Variants in CDH4 observed in about 807,000 individuals in gnomAD.
CDH4 encodes the protein cadherin-4.
Under a neutral mutation model 86.0 loss-of-function variants are expected in CDH4, and 33 were observed. The ratio of observed to expected loss-of-function variants is 0.38; its 90% CI spans 0.29 to 0.51. The LOEUF (loss-of-function observed/expected upper bound fraction) is 0.51, where lower values mean the gene tolerates loss of function less well. Among genes scored for constraint, CDH4 ranks in the 20% least tolerant of loss-of-function variants. The pLI, the probability that CDH4 is intolerant of heterozygous loss-of-function variation, is 0.86. For missense variants in CDH4, 1,114 were observed against 1,307.4 expected, an observed-to-expected ratio of 0.85 and a Z score of 2.28; for synonymous variants, 555 against 549.4, an observed-to-expected ratio of 1.01 and a Z score of -0.14.
chr20:61,254,698 G>T, intron 1 of CDH4, 128 bp from the exon 2 acceptor site: 1 of 700,354 alleles, frequency 1.4e-6, no homozygotes, highest in South Asian at 1.7e-5. Flanking sequence ...GCGTCTGGGT[G>T]GAGACGGTGG....
intron 2 of CDH4, among the ~76,000 whole-genome samples, chr20:61,712,291 C>T (rs2087902336): frequency 1.3e-5 from 2 of 152,160 alleles, no homozygotes; most frequent in African/African-American, 4.8e-5. Context: ...GCCATGAGCC[C>T]TGGAGGCAGT....
chr20:61,678,020 A>G (rs2087464817), intron 2 of CDH4, among the ~76,000 whole-genome samples: 1 of 152,152 alleles, frequency 6.6e-6, no homozygotes, highest in African/African-American at 2.4e-5. Flanking sequence ...TAGATAATAG[A>G]TGGATAAATA....
At chr20:61,306,306 AC>A (rs1289294891) in intron 2 of CDH4, among the ~76,000 whole-genome samples, 1 of 151,674 alleles carries the variant, frequency 6.6e-6, no homozygotes, top group Non-Finnish European at 1.5e-5. Flanking sequence ...CTGATTTGCT[AC>A]TGAGTGATGC....
At chr20:61,846,794 G>C (rs532925298) in intron 5 of CDH4, among the ~76,000 whole-genome samples, 1 of 152,148 alleles carries the variant, frequency 6.6e-6, no homozygotes, top group Non-Finnish European at 1.5e-5. Context: ...TTGGAGCGGG[G>C]TCAGCCCACT....
chr20:61,603,703 C>T (rs1403012517), intron 2 of CDH4, among the ~76,000 whole-genome samples: 1 of 152,170 alleles, frequency 6.6e-6, no homozygotes, highest in African/African-American at 2.4e-5. Flanking sequence ...CAGCAAAGTG[C>T]CTGGGGTGCC....
intron 2 of CDH4, among the ~76,000 whole-genome samples, chr20:61,722,133 G>A (rs1204624780): frequency 6.6e-6 from 1 of 152,174 alleles, no homozygotes; most frequent in East Asian, 1.9e-4. Flanking sequence ...AAGAAGAAAT[G>A]GCAGATTATT....
intron 2 of CDH4, among the ~76,000 whole-genome samples, chr20:61,686,581 A>C (rs2087579312): frequency 2.7e-5 from 4 of 147,256 alleles, no homozygotes; most frequent in South Asian, 2.2e-4. Flanking sequence ...GCGTGTGTGC[A>C]TTCATGTGTG....
intron 2 of CDH4, among the ~76,000 whole-genome samples, chr20:61,594,802 G>C (rs893805119): frequency 6.6e-6 from 1 of 152,184 alleles, no homozygotes; most frequent in African/African-American, 2.4e-5. Context: ...AGACATCTTC[G>C]CTGACCCACA....
chr20:61,546,268 CATGT>C (rs1362421228), intron 2 of CDH4, among the ~76,000 whole-genome samples: 1 of 150,832 alleles, frequency 6.6e-6, no homozygotes, highest in Non-Finnish European at 1.5e-5. Context: ...TATGTGTTCA[CATGT>C]GTGTGGTGTG....
intron 2 of CDH4, among the ~76,000 whole-genome samples, chr20:61,587,369 C>T (rs185759543): frequency 5.3e-4 from 81 of 152,242 alleles, no homozygotes; most frequent in African/African-American, 1.9e-3. Flanking sequence ...GCCCCTGGGA[C>T]GCCTGCCCAC....
At chr20:61,453,395 G>A (rs991021888) in intron 2 of CDH4, among the ~76,000 whole-genome samples, 1 of 152,142 alleles carries the variant, frequency 6.6e-6, no homozygotes, top group Non-Finnish European at 1.5e-5. Context: ...TCGCATGTGT[G>A]GAATCCCAGC....
At chr20:61,805,766 A>G (rs1439922508) in intron 4 of CDH4, among the ~76,000 whole-genome samples, 2 of 152,252 alleles carry the variant, frequency 1.3e-5, no homozygotes, top group African/African-American at 4.8e-5. Flanking sequence ...GGGCCCTCTC[A>G]CACCGGCCAT....
intron 2 of CDH4, among the ~76,000 whole-genome samples, chr20:61,415,289 CA>C (rs1441671258): frequency 6.6e-6 from 1 of 151,860 alleles, no homozygotes; most frequent in East Asian, 1.9e-4. Flanking sequence ...ATGGTAGAGC[CA>C]TGGAGGGATT....
rs1330143693 is a variant in CDH4 at position 61,283,280 on chromosome 20, C to T, written c.169+28343C>T. Among the ~76,000 whole-genome samples, 2 of 8,226 alleles carry T rather than the reference C, an allele frequency of 2.4e-4. 1 individual carries two copies. The highest frequency in any genetic ancestry group is 4.7e-4 in the Non-Finnish European group (2 of 4,254). 5.4% of individuals were successfully genotyped at this position (8,226 alleles called of 152,430 possible). A position where few individuals can be genotyped will look rare whatever the true frequency, so the allele number is the denominator to read the frequency against. On this transcript the variant is annotated intron_variant, in intron 2 of 15. Coordinates refer to ENST00000614565, the MANE Select transcript of CDH4 (RefSeq NM_001794.5). ...CGTGTGTGATGTACGTGCGTTTGCA[C>T]GCGCGTGCTGTGGCGTGTGTGATGT...
chr20:61,897,358 AG>A (rs1418764583), intron 8 of CDH4, among the ~76,000 whole-genome samples: 1 of 152,088 alleles, frequency 6.6e-6, no homozygotes, highest in Non-Finnish European at 1.5e-5. Flanking sequence ...TGGGAGGCCA[AG>A]GCAGAGGCCC....
At chr20:61,912,369 C>T (rs1383279361) in intron 9 of CDH4, among the ~76,000 whole-genome samples, 1 of 152,118 alleles carries the variant, frequency 6.6e-6, no homozygotes, top group Non-Finnish European at 1.5e-5. Flanking sequence ...TTCTCAACAC[C>T]CCAAAGTCAT....
At position 61,708,596 on chromosome 20, in the gene CDH4, C is replaced by A. The variant is rs191920049; in HGVS notation, c.170-34967C>A. On this transcript the variant is annotated intron_variant, in intron 2 of 15. Coordinates refer to ENST00000614565, the MANE Select transcript of CDH4 (RefSeq NM_001794.5). The surrounding 1 kb of genome is among the most constrained non-coding windows in gnomAD (Gnocchi z 4.5). ...CAGCCCTGCTCCCTCCAGCCTCATG[C>A]CCCTTGTAGACCCTCTCCACCCTCC... Among the ~76,000 whole-genome samples, 226 of 152,254 alleles carry A rather than the reference C, an allele frequency of 1.5e-3. No homozygotes were observed. Among genetic ancestry groups the A allele is most frequent in the African/African-American group, 5.0e-3 (206 of 41,550 alleles).
chr20:61,821,235 C>A (rs1440443257), intron 4 of CDH4, among the ~76,000 whole-genome samples: 1 of 142,198 alleles, frequency 7.0e-6, no homozygotes, highest in Non-Finnish European at 1.5e-5. Context: ...CACCCCAGCC[C>A]AGATCCCACT....
intron 2 of CDH4, among the ~76,000 whole-genome samples, chr20:61,736,216 C>A (rs1049014199): frequency 6.6e-6 from 1 of 152,204 alleles, no homozygotes; most frequent in African/African-American, 2.4e-5. Context: ...ATGCTGTGTT[C>A]ATTCTTGTCA....
Sources: gnomAD v4.1 joint callset for allele counts (sites outside exome capture counted in the v4.1 genomes callset) on GRCh38, gnomAD v4.1.1 for gene constraint, Gnocchi (gnomAD v3.1) non-coding constraint, MANE v1.5 for transcripts, NCBI Gene and HGNC (gene_info 2026-07-23, HGNC 2026-07-21) for gene names.